RUNDC3B: variants seen among roughly 807,000 people sequenced by gnomAD.
RUNDC3B encodes the protein RUN domain containing 3B, also known as RUN domain-containing protein 3B.
RUNDC3B carries 33 observed loss-of-function variants against 58.4 expected under a neutral mutation model. The ratio of observed to expected loss-of-function variants is 0.56; its 90% CI spans 0.43 to 0.75. The LOEUF is 0.75. Ranked by LOEUF, RUNDC3B falls within the 30% of genes least tolerant of loss-of-function variation. RUNDC3B has a pLI of 0.00. For missense variants in RUNDC3B, 501 were observed against 535.7 expected (o/e 0.94, Z 0.64); for synonymous variants, 193 against 195.2 (o/e 0.99, Z 0.10).
chr7:87,800,422 A>G (rs187876432), intron 8 of RUNDC3B, among the ~76,000 whole-genome samples: 9 of 152,314 alleles, frequency 5.9e-5, no homozygotes, highest in East Asian at 1.9e-4. Flanking sequence ...TGTTTATTCC[A>G]TAACTTGGCT....
chr7:87,729,686 T>G (rs540356982), intron 4 of RUNDC3B, among the ~76,000 whole-genome samples: 14 of 152,312 alleles, frequency 9.2e-5, no homozygotes, highest in African/African-American at 2.4e-4. Flanking sequence ...CCTGGTGATG[T>G]GCTGGGCTTG....
chr7:87,679,295 G>C (rs574072782), intron 2 of RUNDC3B, among the ~76,000 whole-genome samples: 1 of 149,430 alleles, frequency 6.7e-6, no homozygotes, highest in East Asian at 2.0e-4. Flanking sequence ...GAGTTTCACA[G>C]TGTTAGCCAG....
At chr7:87,663,563 A>G (rs1824928879) in intron 2 of RUNDC3B, among the ~76,000 whole-genome samples, 1 of 152,120 alleles carries the variant, frequency 6.6e-6, no homozygotes, top group African/African-American at 2.4e-5. Context: ...TACAGCATAG[A>G]TTTTGTCTTT....
chr7:87,689,991 T>A (rs28722142), intron 2 of RUNDC3B, among the ~76,000 whole-genome samples: 14,855 of 151,936 alleles, frequency 0.098, 999 homozygotes, highest in African/African-American at 0.18. Context: ...GATTTTTTTT[T>A]AAAAATTTTT....
At chr7:87,658,688 C>G (rs371371617) in intron 2 of RUNDC3B, among the ~76,000 whole-genome samples, 3 of 152,136 alleles carry the variant, frequency 2.0e-5, no homozygotes, top group East Asian at 3.9e-4. Flanking sequence ...GATTTCTGAT[C>G]AGAAACCATG....
chr7:87,779,226 C>T (rs1834807224), intron 8 of RUNDC3B, among the ~76,000 whole-genome samples: 1 of 152,166 alleles, frequency 6.6e-6, no homozygotes, highest in South Asian at 2.1e-4. Flanking sequence ...ATGTCCCTTA[C>T]TACAAATTTT....
intron 2 of RUNDC3B, among the ~76,000 whole-genome samples, chr7:87,656,068 T>G (rs746839570): frequency 1.3e-5 from 2 of 152,080 alleles, no homozygotes. Flanking sequence ...TCTAGAACTA[T>G]GAGAAATAAA....
chr7:87,828,803 G>T (rs536132198), intron 10 of RUNDC3B, among the ~76,000 whole-genome samples: 1 of 152,306 alleles, frequency 6.6e-6, no homozygotes, highest in African/African-American at 2.4e-5. Context: ...TCTTCAAATT[G>T]CTTTCCACAA....
At chr7:87,716,870 T>A (rs1298436926) in intron 4 of RUNDC3B, among the ~76,000 whole-genome samples, 1 of 152,238 alleles carries the variant, frequency 6.6e-6, no homozygotes, top group Non-Finnish European at 1.5e-5. Context: ...AGGGTCTCAC[T>A]CTGTCTTCTA....
chr7:87,633,150 T>A (rs551838562), intron 1 of RUNDC3B, among the ~76,000 whole-genome samples: 7 of 152,362 alleles, frequency 4.6e-5, no homozygotes, highest in African/African-American at 1.7e-4. Flanking sequence ...CTTATATTTT[T>A]ATACATAACT....
At chr7:87,753,161 A>G (rs1399476719) in intron 6 of RUNDC3B, among the ~76,000 whole-genome samples, 2 of 151,040 alleles carry the variant, frequency 1.3e-5, no homozygotes, top group East Asian at 3.9e-4. Flanking sequence ...CAGGTTGTTC[A>G]GTTTCCATGT....
At chr7:87,820,442 T>C (rs1421147809) in intron 10 of RUNDC3B, among the ~76,000 whole-genome samples, 8 of 152,136 alleles carry the variant, frequency 5.3e-5, no homozygotes, top group Non-Finnish European at 7.4e-5. Flanking sequence ...GATTCACAGC[T>C]GAATTCTACC....
intron 7 of RUNDC3B, among the ~76,000 whole-genome samples, chr7:87,776,394 T>C (rs1432236603): frequency 1.3e-5 from 2 of 152,150 alleles, no homozygotes; most frequent in African/African-American, 4.8e-5. Flanking sequence ...AAATGAACTA[T>C]AGCTAGGCTC....
intron 7 of RUNDC3B, among the ~76,000 whole-genome samples, chr7:87,773,739 G>A (rs535999182): frequency 1.2e-4 from 18 of 151,870 alleles, no homozygotes; most frequent in Non-Finnish European, 2.1e-4. Flanking sequence ...GTGCAGTGGC[G>A]CGATCTTGGC....
At chr7:87,787,888 G>A (rs553342401) in intron 8 of RUNDC3B, among the ~76,000 whole-genome samples, 21 of 152,140 alleles carry the variant, frequency 1.4e-4, no homozygotes, top group Non-Finnish European at 2.6e-4. Context: ...CAAACAATGA[G>A]TTTTGACTCT....
At chr7:87,773,913 A>G (rs975459824) in intron 7 of RUNDC3B, among the ~76,000 whole-genome samples, 16 of 152,004 alleles carry the variant, frequency 1.1e-4, no homozygotes, top group Non-Finnish European at 4.4e-5. Context: ...CCTGACCTCA[A>G]GTGATCTGCC....
At chr7:87,763,540 A>G (rs1584139485) in intron 6 of RUNDC3B, among the ~76,000 whole-genome samples, 1 of 151,654 alleles carries the variant, frequency 6.6e-6, no homozygotes, top group South Asian at 2.1e-4. Flanking sequence ...GTGTCCTTGT[A>G]TGACAGGGGT....
chr7:87,738,215 C>T (rs1267942438), intron 4 of RUNDC3B, among the ~76,000 whole-genome samples: 2 of 151,008 alleles, frequency 1.3e-5, no homozygotes, highest in African/African-American at 4.9e-5. Context: ...CATAGTTCTT[C>T]CAGGGGTTAA....
At chr7:87,650,686 A>G (rs1232577216) in intron 1 of RUNDC3B, 136 bp from the exon 2 acceptor site, 2 of 623,472 alleles carry the variant, frequency 3.2e-6, no homozygotes, top group Non-Finnish European at 5.8e-6. Context: ...AAATTTGAAT[A>G]AATGGGGTTT....
Sources: allele counts gnomAD v4.1 joint callset (sites outside exome capture counted in the v4.1 genomes callset), GRCh38; gene constraint gnomAD v4.1.1; transcripts MANE v1.5; gene names NCBI Gene and HGNC (gene_info 2026-07-23, HGNC 2026-07-21).